The following GRID1 variants were observed in gnomAD, a reference collection of about 807,000 sequenced individuals.
The protein encoded by GRID1 is glutamate receptor ionotropic, delta-1.
A neutral mutation model predicts 98.0 loss-of-function variants in GRID1; 28 were observed. That is an observed-to-expected ratio of 0.29 (90% CI 0.21 to 0.39). The LOEUF is 0.39. Ranked by LOEUF, GRID1 falls within the 10% of genes least tolerant of loss-of-function variation. GRID1 has a pLI of 1.00. For synonymous variants in GRID1, 553 were observed against 538.5 expected (o/e 1.03, Z -0.37); for missense variants, 1,111 against 1,340.5 (o/e 0.83, Z 2.67).
At chr10:86,275,784 T>C (rs1358386160) in intron 2 of GRID1, among the ~76,000 whole-genome samples, 1 of 151,926 alleles carries the variant, frequency 6.6e-6, no homozygotes, top group African/African-American at 2.4e-5. Context: ...ACCTATGAGA[T>C]ACCATCAAGC....
chr10:86,115,350 G>GATGAATGA (rs374476686), intron 4 of GRID1, among the ~76,000 whole-genome samples: 109 of 152,062 alleles, frequency 7.2e-4, no homozygotes, highest in Middle Eastern at 6.8e-3. Flanking sequence ...TGAAACAATA[G>GATGAATGA]ATGAATGAAT....
At chr10:85,782,572 C>T (rs1842390793) in intron 8 of GRID1, among the ~76,000 whole-genome samples, 1 of 152,140 alleles carries the variant, frequency 6.6e-6, no homozygotes, top group Non-Finnish European at 1.5e-5. Flanking sequence ...GTTAAGTGAA[C>T]AAAAGAATCT....
chr10:86,071,043 A>C (rs893102992), intron 4 of GRID1, among the ~76,000 whole-genome samples: 4 of 152,204 alleles, frequency 2.6e-5, no homozygotes, highest in African/African-American at 9.6e-5. Context: ...TGGGTGTGCA[A>C]CCCTCAGCTT....
intron 4 of GRID1, among the ~76,000 whole-genome samples, chr10:86,138,019 C>G (rs777229284): frequency 2.0e-5 from 3 of 152,072 alleles, no homozygotes; most frequent in Non-Finnish European, 4.4e-5. Flanking sequence ...GCAGGGAGCC[C>G]TTGGCCACCC....
chr10:86,328,880 C>A (rs1357318143), intron 2 of GRID1, among the ~76,000 whole-genome samples: 1 of 152,078 alleles, frequency 6.6e-6, no homozygotes. Flanking sequence ...CTCCCAGGAC[C>A]CCCGGGTCAC....
intron 12 of GRID1, among the ~76,000 whole-genome samples, chr10:85,674,391 C>A (rs531750833): frequency 6.6e-6 from 1 of 152,124 alleles, no homozygotes; most frequent in Non-Finnish European, 1.5e-5. Flanking sequence ...CAACATACCC[C>A]ACTGCACATC....
At chr10:86,301,600 A>G (rs1237199700) in intron 2 of GRID1, among the ~76,000 whole-genome samples, 1 of 152,132 alleles carries the variant, frequency 6.6e-6, no homozygotes, top group East Asian at 1.9e-4. Context: ...CCAACCTTGT[A>G]TCCCCACCTT....
intron 8 of GRID1, among the ~76,000 whole-genome samples, chr10:85,770,157 T>C (rs1448910957): frequency 6.6e-6 from 1 of 152,174 alleles, no homozygotes; most frequent in African/African-American, 2.4e-5. Context: ...GACAGCAGCA[T>C]TCGCGGTTCA....
chr10:85,880,728 C>T (rs1398847068), intron 5 of GRID1, among the ~76,000 whole-genome samples: 62 of 151,912 alleles, frequency 4.1e-4, no homozygotes, highest in East Asian at 1.7e-3. Context: ...AGGGATGCCC[C>T]CTCTCACCAC....
intron 2 of GRID1, among the ~76,000 whole-genome samples, chr10:86,233,533 A>T (rs1846489170): frequency 6.6e-6 from 1 of 151,980 alleles, no homozygotes; most frequent in Non-Finnish European, 1.5e-5. Flanking sequence ...CACCCAGGGG[A>T]GCTGCCGGAG....
At chr10:85,783,087 C>T (rs115089673) in intron 8 of GRID1, among the ~76,000 whole-genome samples, 50 of 152,282 alleles carry the variant, frequency 3.3e-4, no homozygotes, top group African/African-American at 1.2e-3. Context: ...CTATTCATCA[C>T]CAAATGCACC....
chr10:85,988,329 C>A (rs987546027), intron 4 of GRID1, among the ~76,000 whole-genome samples: 1 of 152,098 alleles, frequency 6.6e-6, no homozygotes, highest in East Asian at 1.9e-4. Context: ...CAGAGTCTGG[C>A]AAAAGTCCAG....
chr10:85,776,068 G>A (rs1314054140), intron 8 of GRID1, among the ~76,000 whole-genome samples: 1 of 152,014 alleles, frequency 6.6e-6, no homozygotes, highest in Non-Finnish European at 1.5e-5. Flanking sequence ...TAGCCAGATG[G>A]TCTAGTTAGA....
At position 85,869,183 on chromosome 10, in the gene GRID1, A is replaced by G. The variant is rs1272799089; in HGVS notation, c.781-3T>C. ...AGGATCTCCGGGTCACTGATTTCCT[A>G]GAAAAATAACCAGGCCCATGCTTAC... On this transcript the variant is annotated splice_polypyrimidine_tract_variant and splice_region_variant and intron_variant, in intron 5 of 15. Coordinates refer to ENST00000327946, the MANE Select transcript of GRID1 (RefSeq NM_017551.3). The G allele has an allele frequency of 6.2e-7, 1 of 1,612,638 alleles. No homozygotes were observed.
intron 4 of GRID1, among the ~76,000 whole-genome samples, chr10:86,033,961 G>A (rs1475406080): frequency 6.6e-6 from 1 of 152,192 alleles, no homozygotes; most frequent in Non-Finnish European, 1.5e-5. Context: ...TGGAAACTGA[G>A]GATTCTGTGT....
intron 9 of GRID1, among the ~76,000 whole-genome samples, chr10:85,728,495 G>C (rs1382950463): frequency 1.3e-5 from 2 of 152,222 alleles, no homozygotes; most frequent in Non-Finnish European, 2.9e-5. Context: ...GAGAGAAAAA[G>C]CATTATATCT....
chr10:86,085,904 C>T (rs1844047846), intron 4 of GRID1, among the ~76,000 whole-genome samples: 2 of 152,132 alleles, frequency 1.3e-5, no homozygotes, highest in African/African-American at 4.8e-5. Flanking sequence ...ATGGCCTGGG[C>T]ATTGCCCAGC....
intron 3 of GRID1, among the ~76,000 whole-genome samples, chr10:86,160,737 G>T (rs912901171): frequency 2.0e-5 from 3 of 152,242 alleles, no homozygotes; most frequent in Non-Finnish European, 4.4e-5. Context: ...GTCCTTCCAG[G>T]GGGGAATAAT....
intron 5 of GRID1, among the ~76,000 whole-genome samples, chr10:85,896,647 A>G (rs1917144): frequency 0.096 from 14,652 of 152,276 alleles, 928 homozygotes; most frequent in Middle Eastern, 0.2. Context: ...TGTTTGACTT[A>G]GCTAATAAGC....
Sources: allele counts gnomAD v4.1 joint callset (sites outside exome capture counted in the v4.1 genomes callset), GRCh38; gene constraint gnomAD v4.1.1; transcripts MANE v1.5; gene names NCBI Gene and HGNC (gene_info 2026-07-23, HGNC 2026-07-21).